The following CDH12 variants were observed in gnomAD, a reference collection of about 807,000 sequenced individuals.
CDH12 encodes the protein cadherin 12, also known as cadherin-12.
In CDH12, 41 loss-of-function variants were observed where a neutral mutation model predicts 74.1. That is an observed-to-expected ratio of 0.55 (90% CI 0.43 to 0.72). CDH12 has a LOEUF of 0.72. Ranked by LOEUF, CDH12 falls within the 30% of genes least tolerant of loss-of-function variation. The pLI is 0.00. For synonymous variants in CDH12, 399 were observed against 355.0 expected, an observed-to-expected ratio of 1.12 and a Z score of -1.39; for missense variants, 945 against 977.2, an observed-to-expected ratio of 0.97 and a Z score of 0.44.
chr5:22,364,040 T>C (rs1258881382), intron 3 of CDH12, among the ~76,000 whole-genome samples: 2 of 152,188 alleles, frequency 1.3e-5, no homozygotes, highest in Non-Finnish European at 2.9e-5. Context: ...ATGGGGTCTG[T>C]AGTCTGCAGT....
intron 1 of CDH12, among the ~76,000 whole-genome samples, chr5:22,701,797 C>T (rs1248874616): frequency 6.6e-6 from 1 of 152,172 alleles, no homozygotes; most frequent in African/African-American, 2.4e-5. Flanking sequence ...TTCTCCACAA[C>T]ATTACCCACC....
At chr5:22,762,912 A>G (rs563254441) in intron 1 of CDH12, among the ~76,000 whole-genome samples, 1 of 152,094 alleles carries the variant, frequency 6.6e-6, no homozygotes, top group South Asian at 2.1e-4. Context: ...AACTTTACAT[A>G]CTTCCAAGGA....
intron 1 of CDH12, among the ~76,000 whole-genome samples, chr5:22,753,385 T>C (rs1376908215): frequency 6.7e-6 from 1 of 148,966 alleles, no homozygotes; most frequent in African/African-American, 2.5e-5. Context: ...TGCAGTGATC[T>C]GAGATCGCGC....
At chr5:22,774,093 G>T (rs553952078) in intron 1 of CDH12, among the ~76,000 whole-genome samples, 2 of 152,138 alleles carry the variant, frequency 1.3e-5, no homozygotes, top group Admixed American at 1.3e-4. Flanking sequence ...AGTTTGAAAA[G>T]GAATTACCAT....
At chr5:22,211,783 C>G (rs1751559261) in intron 4 of CDH12, among the ~76,000 whole-genome samples, 1 of 150,270 alleles carries the variant, frequency 6.7e-6, no homozygotes, top group African/African-American at 2.4e-5. Context: ...GATTTTTTTA[C>G]AAACACGTAA....
At chr5:22,404,823 GAC>G (rs1250823021) in intron 3 of CDH12, among the ~76,000 whole-genome samples, 1 of 152,178 alleles carries the variant, frequency 6.6e-6, no homozygotes, top group East Asian at 1.9e-4. Context: ...ACAATTTTAA[GAC>G]ATTACAAATT....
chr5:22,842,845 C>A (rs1258294256), intron 1 of CDH12, among the ~76,000 whole-genome samples: 1 of 151,956 alleles, frequency 6.6e-6, no homozygotes, highest in East Asian at 1.9e-4. Flanking sequence ...CTCCCTAATG[C>A]AGTTTTCTAA....
intron 3 of CDH12, among the ~76,000 whole-genome samples, chr5:22,387,683 T>C (rs1260084236): frequency 6.6e-6 from 1 of 152,148 alleles, no homozygotes; most frequent in Admixed American, 6.5e-5. Context: ...CCACCCATAG[T>C]TCTCAGGAGG....
chr5:21,944,920 T>G (rs1755502394), intron 6 of CDH12, among the ~76,000 whole-genome samples: 2 of 152,096 alleles, frequency 1.3e-5, no homozygotes, highest in Admixed American at 6.6e-5. Flanking sequence ...AGGATGGTAT[T>G]AGTAGGTCCC....
At chr5:22,491,622 C>CAAAAAAAAAAA (rs33936783) in intron 2 of CDH12, among the ~76,000 whole-genome samples, 1 of 135,634 alleles carries the variant, frequency 7.4e-6, no homozygotes, top group Non-Finnish European at 1.5e-5. Context: ...AAAAAAAAAA[C>CAAAAAAAAAAA]AAAAAAAAAA....
At chr5:22,573,792 C>T (rs1739648264) in intron 1 of CDH12, among the ~76,000 whole-genome samples, 2 of 152,062 alleles carry the variant, frequency 1.3e-5, no homozygotes, top group African/African-American at 4.8e-5. Context: ...TATGTCTCCT[C>T]TCCCAGAAAT....
At chr5:22,438,950 CTAAT>C (rs1250523392) in intron 2 of CDH12, among the ~76,000 whole-genome samples, 1 of 151,832 alleles carries the variant, frequency 6.6e-6, no homozygotes, top group Non-Finnish European at 1.5e-5. Flanking sequence ...CAATGGGCCT[CTAAT>C]TTATCTGTGC....
chr5:22,444,301 C>A (rs1318014790), intron 2 of CDH12, among the ~76,000 whole-genome samples: 1 of 152,014 alleles, frequency 6.6e-6, no homozygotes, highest in Non-Finnish European at 1.5e-5. Flanking sequence ...TCCTTTGTTA[C>A]TTCCATGGAG....
At chr5:22,667,355 A>T (rs1398595456) in intron 1 of CDH12, among the ~76,000 whole-genome samples, 1 of 152,048 alleles carries the variant, frequency 6.6e-6, no homozygotes, top group Non-Finnish European at 1.5e-5. Context: ...TAGACAGGTC[A>T]CCCCAGTGAG....
chr5:21,981,913 A>C (rs1757322738), intron 5 of CDH12, among the ~76,000 whole-genome samples: 2 of 152,140 alleles, frequency 1.3e-5, no homozygotes, highest in African/African-American at 4.8e-5. Flanking sequence ...GGCTCAAGCA[A>C]TCTACCTGCC....
At chr5:22,453,952 T>C (rs1416438495) in intron 2 of CDH12, among the ~76,000 whole-genome samples, 1 of 152,166 alleles carries the variant, frequency 6.6e-6, no homozygotes, top group East Asian at 1.9e-4. Context: ...GTATTTTCTA[T>C]TATGTTGTTA....
intron 5 of CDH12, among the ~76,000 whole-genome samples, chr5:21,975,775 A>G (rs1757048466): frequency 1.3e-5 from 2 of 152,164 alleles, no homozygotes; most frequent in Non-Finnish European, 2.9e-5. Context: ...GCAACAGGCA[A>G]AAAAACCAAC....
intron 5 of CDH12, among the ~76,000 whole-genome samples, chr5:22,061,948 T>C (rs1741215854): frequency 6.6e-6 from 1 of 152,028 alleles, no homozygotes; most frequent in Non-Finnish European, 1.5e-5. Context: ...AAAGTAACTA[T>C]AGTCAGGCAG....
chr5:22,087,952 T>A (rs1743176740), intron 4 of CDH12, among the ~76,000 whole-genome samples: 1 of 152,156 alleles, frequency 6.6e-6, no homozygotes, highest in Admixed American at 6.5e-5. Context: ...ATTCCAGTTG[T>A]AGTAATACCA....
Sources: allele counts gnomAD v4.1 joint callset (sites outside exome capture counted in the v4.1 genomes callset), GRCh38; gene constraint gnomAD v4.1.1; transcripts MANE v1.5; gene names NCBI Gene and HGNC (gene_info 2026-07-23, HGNC 2026-07-21).